The following PCDH11X variants were observed in gnomAD, a reference collection of about 807,000 sequenced individuals.
PCDH11X encodes protocadherin-11 X-linked.
In PCDH11X, 18 loss-of-function variants were observed where a neutral mutation model predicts 53.3. That is an observed-to-expected ratio of 0.34 (90% CI 0.23 to 0.50). The LOEUF is 0.50. Ranked by LOEUF, PCDH11X falls within the 20% of genes least tolerant of loss-of-function variation. The probability of loss-of-function intolerance (pLI) is 0.98; values close to 1 mark genes in which losing one functional copy is unlikely to be tolerated. For synonymous variants in PCDH11X, 279 were observed against 393.3 expected (o/e 0.71, Z 3.44); for missense variants, 570 against 1,032.4 (o/e 0.55, Z 6.14).
At chrX:92,343,917 G>T (rs1461862487) in intron 8 of PCDH11X, among the ~76,000 whole-genome samples, 1 of 110,565 alleles carries the variant, frequency 9.0e-6, no homozygotes, top group Admixed American at 9.7e-5. Flanking sequence ...GTGTATTCTA[G>T]CCCTAAATTA....
chrX:92,132,696 T>C (rs2065016354), intron 6 of PCDH11X, among the ~76,000 whole-genome samples: 1 of 96,448 alleles, frequency 1.0e-5, no homozygotes, highest in South Asian at 4.5e-4. Flanking sequence ...TGTATATATA[T>C]ATATATATAT....
intron 9 of PCDH11X, chrX:92,460,460 T>C: frequency 1.3e-6 from 1 of 758,496 alleles, no homozygotes; most frequent in South Asian, 2.1e-5. Flanking sequence ...CGAGAGGAGC[T>C]AGACAAATAC....
chrX:92,284,251 T>C (rs967965042), intron 8 of PCDH11X, among the ~76,000 whole-genome samples: 3 of 110,407 alleles, frequency 2.7e-5, no homozygotes, highest in Non-Finnish European at 5.7e-5. Flanking sequence ...TGTTAATCAC[T>C]ATAATGGTTC....
At chrX:91,973,405 T>A (rs62605287) in intron 6 of PCDH11X, among the ~76,000 whole-genome samples, 32,851 of 98,702 alleles carry the variant, frequency 0.33, 5,243 homozygotes, top group African/African-American at 0.54. Flanking sequence ...AACCTGCACA[T>A]TGTGCACATG....
At chrX:92,479,431 T>C (rs1471426599) in intron 10 of PCDH11X, among the ~76,000 whole-genome samples, 2 of 107,624 alleles carry the variant, frequency 1.9e-5, no homozygotes, top group Admixed American at 2.0e-4. Context: ...TGCAGACTTG[T>C]CTGTGTGGTT....
intron 10 of PCDH11X, among the ~76,000 whole-genome samples, chrX:92,512,169 A>G (rs1256538809): frequency 4.5e-4 from 49 of 108,438 alleles, no homozygotes; most frequent in African/African-American, 1.5e-3. Flanking sequence ...CTGTCATAAT[A>G]GTCTCTTTCT....
chrX:92,230,023 T>C (rs2148368032), intron 7 of PCDH11X, among the ~76,000 whole-genome samples: 1 of 110,719 alleles, frequency 9.0e-6, no homozygotes, highest in African/African-American at 3.3e-5. Flanking sequence ...TGTGGATGAC[T>C]TTTTATTGCT....
At chrX:91,946,591 A>T (rs1420559232) in intron 6 of PCDH11X, among the ~76,000 whole-genome samples, 2 of 90,087 alleles carry the variant, frequency 2.2e-5, no homozygotes, top group African/African-American at 8.2e-5. Flanking sequence ...ATATATATAT[A>T]TATATATAGC....
chrX:91,936,266 G>A (rs1374369004), intron 6 of PCDH11X, among the ~76,000 whole-genome samples: 1 of 109,646 alleles, frequency 9.1e-6, no homozygotes, highest in African/African-American at 3.3e-5. Flanking sequence ...GTCTATTGGG[G>A]CAATATTTAT....
chrX:92,585,465 G>T (rs1393802803), intron 10 of PCDH11X, among the ~76,000 whole-genome samples: 4 of 104,374 alleles, frequency 3.8e-5, no homozygotes, highest in Non-Finnish European at 7.8e-5. Context: ...TCCGCCTCCC[G>T]GGTTCATGCC....
chrX:92,280,568 A>C (rs1320617625), intron 8 of PCDH11X, among the ~76,000 whole-genome samples: 1 of 108,998 alleles, frequency 9.2e-6, no homozygotes, highest in Non-Finnish European at 1.9e-5. Context: ...AAATAATAGA[A>C]TATATCTCTG....
At chrX:92,225,118 A>T (rs772095666) in intron 7 of PCDH11X, among the ~76,000 whole-genome samples, 2 of 111,560 alleles carry the variant, frequency 1.8e-5, no homozygotes, top group South Asian at 7.4e-4. Flanking sequence ...TCAAATACAC[A>T]TTTTTTCTTT....
intron 10 of PCDH11X, among the ~76,000 whole-genome samples, chrX:92,563,224 A>C (rs1921029280): frequency 9.4e-6 from 1 of 106,912 alleles, no homozygotes; most frequent in Non-Finnish European, 1.9e-5. Context: ...GGTCAAAGGC[A>C]ATGGGGGAGC....
chrX:92,088,715 C>T (rs1031277835), intron 6 of PCDH11X, among the ~76,000 whole-genome samples: 2 of 111,501 alleles, frequency 1.8e-5, no homozygotes, highest in Non-Finnish European at 3.8e-5. Context: ...TATAAAATCC[C>T]CCAATAACCT....
At chrX:92,469,499 A>G (rs757191952) in intron 10 of PCDH11X, among the ~76,000 whole-genome samples, 2 of 111,585 alleles carry the variant, frequency 1.8e-5, no homozygotes, top group South Asian at 7.4e-4. Flanking sequence ...GAGTTTCCCC[A>G]AAGTGTTCTA....
At chrX:92,601,499 C>A in intron 10 of PCDH11X, among the ~76,000 whole-genome samples, 1 of 82,053 alleles carries the variant, frequency 1.2e-5, no homozygotes, top group African/African-American at 6.5e-5. Flanking sequence ...TATGGTGATT[C>A]ATAAAAAAAA....
intron 7 of PCDH11X, 119 bp downstream of exon 7, chrX:92,201,574 ATT>A: frequency 4.8e-6 from 2 of 413,981 alleles, no homozygotes; most frequent in Non-Finnish European, 8.1e-6. Flanking sequence ...TCTTCAGGTG[ATT>A]TTGTGCTGGA....
At chrX:92,508,456 C>G (rs1269072433) in intron 10 of PCDH11X, among the ~76,000 whole-genome samples, 1 of 108,868 alleles carries the variant, frequency 9.2e-6, no homozygotes, top group East Asian at 3.0e-4. Context: ...TTCCTGACCT[C>G]GTGATCCACC....
At chrX:92,256,501 C>G (rs1024172613) in intron 7 of PCDH11X, among the ~76,000 whole-genome samples, 2 of 111,843 alleles carry the variant, frequency 1.8e-5, no homozygotes, top group African/African-American at 6.5e-5. Flanking sequence ...TCCTTGCATT[C>G]CTGGTATAAA....
Sources: gnomAD v4.1 joint callset for allele counts (sites outside exome capture counted in the v4.1 genomes callset) on GRCh38, gnomAD v4.1.1 for gene constraint, MANE v1.5 for transcripts, NCBI Gene and HGNC (gene_info 2026-07-23, HGNC 2026-07-21) for gene names.